The following SEMA3A variants were observed in gnomAD, a reference collection of about 807,000 sequenced individuals.
The protein encoded by SEMA3A is semaphorin-3A.
A neutral mutation model predicts 97.9 loss-of-function variants in SEMA3A; 29 were observed. The ratio of observed to expected loss-of-function variants is 0.30; its 90% CI spans 0.22 to 0.40. The LOEUF (loss-of-function observed/expected upper bound fraction) is 0.40. Ranked by LOEUF, SEMA3A falls within the 10% of genes least tolerant of loss-of-function variation. SEMA3A has a pLI of 1.00. For synonymous variants in SEMA3A, 321 were observed against 323.7 expected, an observed-to-expected ratio of 0.99 and a Z score of 0.09; for missense variants, 763 against 951.3, an observed-to-expected ratio of 0.80 and a Z score of 2.60.
chr7:83,998,935 T>C (rs1268971940), intron 12 of SEMA3A, among the ~76,000 whole-genome samples: 1 of 152,162 alleles, frequency 6.6e-6, no homozygotes, highest in East Asian at 1.9e-4. Flanking sequence ...ACAGCACATA[T>C]ATTTGATATC....
chr7:84,284,680 A>G (rs1800535721), intron 3 of SEMA3A, among the ~76,000 whole-genome samples: 1 of 152,176 alleles, frequency 6.6e-6, no homozygotes, highest in Non-Finnish European at 1.5e-5. Context: ...TGTCTTATGA[A>G]CTGAATGATT....
chr7:84,310,807 C>T (rs1033259719), intron 2 of SEMA3A, among the ~76,000 whole-genome samples: 4 of 152,070 alleles, frequency 2.6e-5, no homozygotes, highest in Admixed American at 2.6e-4. Context: ...TAGAAAATTT[C>T]ATTTCAAATT....
intron 2 of SEMA3A, among the ~76,000 whole-genome samples, chr7:84,313,500 T>G (rs1801417036): frequency 6.7e-6 from 1 of 149,664 alleles, no homozygotes; most frequent in Non-Finnish European, 1.5e-5. Flanking sequence ...ATGTTTGCAC[T>G]GTCTCCTATT....
At chr7:84,254,587 A>C (rs1201613863) in intron 3 of SEMA3A, among the ~76,000 whole-genome samples, 1 of 152,186 alleles carries the variant, frequency 6.6e-6, no homozygotes, top group Non-Finnish European at 1.5e-5. Context: ...TGTACATTTC[A>C]TGAAAATCCT....
chr7:84,098,443 T>G (rs1395200614), intron 4 of SEMA3A, among the ~76,000 whole-genome samples: 4 of 152,044 alleles, frequency 2.6e-5, no homozygotes, highest in Non-Finnish European at 4.4e-5. Flanking sequence ...CTTTGCTCAA[T>G]CCCTAGAATT....
At chr7:84,254,488 C>T (rs1477565639) in intron 3 of SEMA3A, among the ~76,000 whole-genome samples, 2 of 151,912 alleles carry the variant, frequency 1.3e-5, no homozygotes, top group Non-Finnish European at 2.9e-5. Flanking sequence ...TGTTTGTACC[C>T]GAGTTGATCT....
At chr7:84,288,991 A>G (rs1042859938) in intron 3 of SEMA3A, among the ~76,000 whole-genome samples, 30 of 152,188 alleles carry the variant, frequency 2.0e-4, no homozygotes, top group Admixed American at 2.0e-4. Flanking sequence ...GAATGGATAA[A>G]GAAAATGTGG....
intron 1 of SEMA3A, among the ~76,000 whole-genome samples, chr7:84,166,627 C>T (rs1028247129): frequency 6.6e-6 from 1 of 151,436 alleles, no homozygotes; most frequent in Non-Finnish European, 1.5e-5. Flanking sequence ...AATCCCAGCC[C>T]TTTGGGAGGC....
intron 1 of SEMA3A, among the ~76,000 whole-genome samples, chr7:84,401,475 C>G (rs530635638): frequency 6.9e-6 from 1 of 145,890 alleles, no homozygotes; most frequent in South Asian, 2.2e-4. Flanking sequence ...TACCAATGAT[C>G]TTGTTCACAG....
chr7:84,438,535 T>TTCAC (rs1805192332), intron 1 of SEMA3A, among the ~76,000 whole-genome samples: 2 of 152,118 alleles, frequency 1.3e-5, no homozygotes, highest in East Asian at 3.8e-4. Flanking sequence ...CTAGGCAGGA[T>TTCAC]GTTGGGGTTA....
intron 1 of SEMA3A, among the ~76,000 whole-genome samples, chr7:84,186,990 G>A (rs1465938120): frequency 6.6e-6 from 1 of 152,126 alleles, no homozygotes; most frequent in African/African-American, 2.4e-5. Flanking sequence ...GAGGATGGAA[G>A]TGGATCATAC....
At chr7:83,991,154 T>C (rs1323501423) in intron 12 of SEMA3A, among the ~76,000 whole-genome samples, 2 of 151,208 alleles carry the variant, frequency 1.3e-5, no homozygotes, top group East Asian at 4.1e-4. Context: ...GCTTGTGATT[T>C]TTGTACATTG....
chr7:84,415,477 C>T (rs889393473), intron 1 of SEMA3A, among the ~76,000 whole-genome samples: 25 of 152,016 alleles, frequency 1.6e-4, no homozygotes, highest in Admixed American at 7.2e-4. Flanking sequence ...TTAAAAATTA[C>T]ATGCAGAAAA....
At chr7:84,364,904 T>G (rs1268264506) in intron 2 of SEMA3A, among the ~76,000 whole-genome samples, 2 of 150,192 alleles carry the variant, frequency 1.3e-5, no homozygotes, top group African/African-American at 4.9e-5. Context: ...ACCTCAAGAA[T>G]GAGAGCAGTT....
intron 14 of SEMA3A, among the ~76,000 whole-genome samples, chr7:83,979,090 T>G (rs1290234875): frequency 6.6e-6 from 1 of 151,860 alleles, no homozygotes; most frequent in African/African-American, 2.4e-5. Context: ...AACTTTCACA[T>G]GAAGAAGAAA....
chr7:84,128,083 A>T (rs935047696), intron 3 of SEMA3A, among the ~76,000 whole-genome samples: 2 of 152,142 alleles, frequency 1.3e-5, no homozygotes, highest in Non-Finnish European at 2.9e-5. Flanking sequence ...TCACCCACTT[A>T]ATTTTCCTGA....
intron 2 of SEMA3A, among the ~76,000 whole-genome samples, chr7:84,349,928 C>G (rs1403344033): frequency 1.3e-5 from 2 of 152,004 alleles, no homozygotes; most frequent in African/African-American, 4.8e-5. Context: ...CTTTGCGCTC[C>G]AGATTTATAA....
At chr7:84,248,073 C>T (rs1799516784) in intron 3 of SEMA3A, among the ~76,000 whole-genome samples, 1 of 152,116 alleles carries the variant, frequency 6.6e-6, no homozygotes, top group African/African-American at 2.4e-5. Flanking sequence ...TAAATGCATA[C>T]ATAAATAATC....
At chr7:84,232,231 A>T (rs1167049034) in intron 3 of SEMA3A, among the ~76,000 whole-genome samples, 1 of 148,182 alleles carries the variant, frequency 6.7e-6, no homozygotes, top group African/African-American at 2.5e-5. Context: ...TAATTCCACA[A>T]ATTATATATA....
Sources: allele counts gnomAD v4.1 joint callset (sites outside exome capture counted in the v4.1 genomes callset), GRCh38; gene constraint gnomAD v4.1.1; transcripts MANE v1.5; gene names NCBI Gene and HGNC (gene_info 2026-07-23, HGNC 2026-07-21).